The following PWWP2B variants were observed in gnomAD, a reference collection of about 807,000 sequenced individuals.
The protein encoded by PWWP2B is PWWP domain containing 2B, also known as PWWP domain-containing protein 2B.
PWWP2B carries 9 observed loss-of-function variants against 15.5 expected under a neutral mutation model. The ratio of observed to expected loss-of-function variants is 0.58; its 90% CI spans 0.35 to 1.02. PWWP2B has a LOEUF of 1.02. PWWP2B is among the 50% of genes least tolerant of loss of function. The pLI is 0.02. For missense variants in PWWP2B, 864 were observed against 865.3 expected, an observed-to-expected ratio of 1.00 and a Z score of 0.02; for synonymous variants, 474 against 403.6, an observed-to-expected ratio of 1.17 and a Z score of -2.09.
intron 1 of PWWP2B, among the ~76,000 whole-genome samples, chr10:132,404,270 G>C (rs545284694): frequency 6.6e-6 from 1 of 152,148 alleles, no homozygotes; most frequent in Admixed American, 6.5e-5. Flanking sequence ...ACCCCTCCCC[G>C]GGCCAGGTCA....
Position 132,405,583 on chromosome 10 carries a change from G to C in PWWP2B, c.1083G>C (p.Leu361=). 1.2e-6 allele frequency: 2 copies of C among 1,609,492 alleles called. No homozygotes were observed. The highest frequency in any genetic ancestry group is 1.7e-6 in the Non-Finnish European group (2 of 1,179,596). Residue 361 remains leucine (L), a synonymous_variant, in exon 2 of 3, where the codon CTG becomes CTC. Transcript: ENST00000305233. ...TGGTGGGGGAGCTGAACGGGTACCT[G>C]CGGGACAGCTCGCCGGCGCCCTGTG... is the stretch of plus-strand genomic sequence containing the variant. ...AELVGELNGY[L]RDSSPAPCAD... is the part of the protein sequence containing the mutation.
chr10:132,397,678 A>C (rs1468993845), intron 1 of PWWP2B, among the ~76,000 whole-genome samples: 1 of 151,838 alleles, frequency 6.6e-6, no homozygotes, highest in Non-Finnish European at 1.5e-5. Flanking sequence ...GTTGAATTCG[A>C]CTGTTGGCAG....
At chr10:132,412,363 A>T (rs764298712) in intron 2 of PWWP2B, among the ~76,000 whole-genome samples, 16 of 152,132 alleles carry the variant, frequency 1.1e-4, no homozygotes, top group Non-Finnish European at 1.6e-4. Flanking sequence ...CCCTGACCCC[A>T]CCGGGCTTCA....
intron 2 of PWWP2B, among the ~76,000 whole-genome samples, chr10:132,406,888 C>T (rs2069707951): frequency 1.3e-5 from 2 of 152,196 alleles, no homozygotes; most frequent in African/African-American, 4.8e-5. Context: ...AGTGCGCACT[C>T]CGTCGTCAGC....
chr10:132,407,516 T>C (rs1463062788), intron 2 of PWWP2B, among the ~76,000 whole-genome samples: 1 of 152,174 alleles, frequency 6.6e-6, no homozygotes, highest in Non-Finnish European at 1.5e-5. Context: ...GCCCCTCCAC[T>C]GCTGCACCCT....
intron 2 of PWWP2B, among the ~76,000 whole-genome samples, chr10:132,407,790 G>A (rs1432396138): frequency 2.0e-5 from 3 of 152,236 alleles, no homozygotes; most frequent in Admixed American, 2.0e-4. Context: ...GAGTGGGTGT[G>A]GGTGCCGTCT....
chr10:132,397,241 C>T lies in PWWP2B; in HGVS notation c.15C>T (p.Ala5=), dbSNP rs1202985148. Residue 5 remains alanine (A), a synonymous_variant, in exon 1 of 3, where the codon GCC becomes GCT. Transcript: ENST00000305233. MEPR[A]GCRLPVRVEQ... ...GCGGCGGGAGCATGGAGCCGCGCGC[C>T]GGCTGCCGGCTGCCGGTGCGGGTGG... 4.0e-6 allele frequency: 5 copies of T among 1,244,814 alleles called. No individual in the cohort carries two copies. The highest frequency in any genetic ancestry group is 3.5e-5 in the East Asian group (1 of 28,706). 77.1% of individuals were successfully genotyped at this position (1,244,814 alleles called of 1,614,324 possible).
In PWWP2B at chr10:132,405,838, C is replaced by G. The variant is rs1478316045; in HGVS notation, c.1338C>G (p.Leu446=). The G allele has an allele frequency of 1.2e-6, 2 of 1,610,218 alleles. No individual in the cohort carries two copies. The highest frequency in any genetic ancestry group is 2.7e-5 in the African/African-American group (2 of 74,936). Residue 446 remains leucine, a synonymous_variant, in exon 2 of 3, where the codon CTC becomes CTG. Coordinates refer to ENST00000305233, the MANE Select transcript of PWWP2B (RefSeq NM_138499.4). ...GGACGCCGGCAGACACGGGTGACCT[C>G]TCGCCTGGCCACGGCGCGTCAGCGC... is the stretch of plus-strand genomic sequence containing the variant. ...SEGTPADTGD[L]SPGHGASAPS... is the part of the protein sequence containing the mutation.
intron 2 of PWWP2B, among the ~76,000 whole-genome samples, chr10:132,413,219 A>G (rs1401657909): frequency 6.6e-6 from 1 of 152,288 alleles, no homozygotes; most frequent in African/African-American, 2.4e-5. Flanking sequence ...TTATAGATGT[A>G]AAGGTTAATA....
chr10:132,415,214 ACACACACACCCACT>A (rs1346754529), intron 2 of PWWP2B, among the ~76,000 whole-genome samples: 1 of 151,420 alleles, frequency 6.6e-6, no homozygotes, highest in Non-Finnish European at 1.5e-5. Flanking sequence ...ATCCACTCTC[ACACACACACCCACT>A]CACACTCACA....
rs139488656 is a variant in PWWP2B at position 132,414,960 on chromosome 10, T to A, written c.*17-2101T>A. On this transcript the variant is annotated intron_variant, in intron 2 of 2. Coordinates refer to ENST00000305233, the MANE Select transcript of PWWP2B (RefSeq NM_138499.4). ...CCTCCTGCTCCCCCTGGGACGTGAA[T>A]GGGAGATGGTCCAAAATGCAGCTTC... Among the ~76,000 whole-genome samples, 6 of 152,254 alleles carry A rather than the reference T, an allele frequency of 3.9e-5. No homozygotes were observed. In the East Asian group the frequency reaches 1.2e-3, roughly 29 times the overall value.
chr10:132,402,837 G>A (rs1404370216), intron 1 of PWWP2B, among the ~76,000 whole-genome samples: 5 of 152,220 alleles, frequency 3.3e-5, no homozygotes, highest in East Asian at 3.9e-4. Context: ...CACGGACAGC[G>A]TATAAAGGAA....
chr10:132,414,021 C>T (rs1232245378), intron 2 of PWWP2B, among the ~76,000 whole-genome samples: 3 of 152,222 alleles, frequency 2.0e-5, no homozygotes, highest in East Asian at 1.9e-4. Context: ...CACCTCATGT[C>T]CTGGAGGCCT....
intron 2 of PWWP2B, 74 bp from the exon 3 acceptor site, chr10:132,416,987 C>T (rs2069866967): frequency 2.3e-5 from 36 of 1,561,008 alleles, no homozygotes; most frequent in Non-Finnish European, 2.9e-5. Flanking sequence ...TGACCTGCTG[C>T]TCAGACCTTG....
At chr10:132,400,718 A>C (rs1056867012) in intron 1 of PWWP2B, among the ~76,000 whole-genome samples, 1 of 152,142 alleles carries the variant, frequency 6.6e-6, no homozygotes, top group Admixed American at 6.5e-5. Flanking sequence ...CTGACACTGG[A>C]GCATAGCCGA....
At chr10:132,412,658 G>T (rs1008282547) in intron 2 of PWWP2B, among the ~76,000 whole-genome samples, 2 of 152,250 alleles carry the variant, frequency 1.3e-5, no homozygotes, top group Non-Finnish European at 2.9e-5. Context: ...ATTACGAGGT[G>T]CTGGCCCTGG....
At chr10:132,401,810 G>A (rs2069620135) in intron 1 of PWWP2B, among the ~76,000 whole-genome samples, 1 of 152,256 alleles carries the variant, frequency 6.6e-6, no homozygotes, top group Non-Finnish European at 1.5e-5. Context: ...TATCTCATGG[G>A]GTTGCTCAAG....
At chr10:132,411,101 C>T (rs867402555) in intron 2 of PWWP2B, among the ~76,000 whole-genome samples, 1 of 152,210 alleles carries the variant, frequency 6.6e-6, no homozygotes, top group Non-Finnish European at 1.5e-5. Context: ...AGACCACAGG[C>T]GTTTATTCCC....
In PWWP2B at chr10:132,405,848, C is replaced by T. The variant is rs1436363775; in HGVS notation, c.1348C>T (p.His450Tyr). ...PADTGDLSPGHGASAPSVSRE... is the reference protein window; with the variant it reads ...PADTGDLSPGYGASAPSVSRE... ...AGACACGGGTGACCTCTCGCCTGGC[C>T]ACGGCGCGTCAGCGCCCTCGGTGTC... Residue 450 changes from histidine (H) to tyrosine (Y), a missense_variant, in exon 2 of 3, where the codon CAC becomes TAC. His to Tyr is a moderately conservative substitution (Grantham distance 83). Coordinates refer to ENST00000305233, the MANE Select transcript of PWWP2B (RefSeq NM_138499.4). The T allele has an allele frequency of 6.2e-7, 1 of 1,610,828 alleles. No homozygotes were observed. The highest frequency in any genetic ancestry group is 8.5e-7 in the Non-Finnish European group (1 of 1,179,302).
Sources: gnomAD v4.1 joint callset for allele counts (sites outside exome capture counted in the v4.1 genomes callset) on GRCh38, gnomAD v4.1.1 for gene constraint, MANE v1.5 for transcripts, NCBI Gene and HGNC (gene_info 2026-07-23, HGNC 2026-07-21) for gene names.